The following MGAM2 variants were observed in gnomAD, a reference collection of about 807,000 sequenced individuals.
MGAM2 encodes maltase-glucoamylase 2 (putative).
Under a neutral mutation model 96.1 loss-of-function variants are expected in MGAM2, and 98 were observed. The ratio of observed to expected loss-of-function variants is 1.02; its 90% CI spans 0.87 to 1.21. The LOEUF is 1.21. Among genes scored for constraint, MGAM2 ranks in the 50% most tolerant of loss-of-function variants. MGAM2 has a pLI of 0.00. For synonymous variants in MGAM2, 749 were observed against 414.8 expected (o/e 1.81, Z -9.79); for missense variants, 2,055 against 1,182.4 (o/e 1.74, Z -10.82).
chr7:142,142,964 A>G (rs985045137), intron 12 of MGAM2, among the ~76,000 whole-genome samples: 10 of 152,190 alleles, frequency 6.6e-5, no homozygotes, highest in African/African-American at 2.4e-4. Context: ...CAGAGTTAAC[A>G]TCTAATTGTT....
At chr7:142,203,153 A>C (rs957580333) in intron 45 of MGAM2, among the ~76,000 whole-genome samples, 2 of 151,976 alleles carry the variant, frequency 1.3e-5, no homozygotes, top group African/African-American at 4.8e-5. Context: ...TTCTTGATTT[A>C]AGTTTCTTAT....
intron 15 of MGAM2, among the ~76,000 whole-genome samples, chr7:142,149,261 C>G (rs530062598): frequency 7.9e-5 from 12 of 151,984 alleles, no homozygotes; most frequent in African/African-American, 1.7e-4. Context: ...ACTTCTCTGC[C>G]TGGTGCCTCT....
At chr7:142,146,076 C>A (rs1795372704) in intron 14 of MGAM2, among the ~76,000 whole-genome samples, 1 of 150,622 alleles carries the variant, frequency 6.6e-6, no homozygotes, top group Non-Finnish European at 1.5e-5. Context: ...TTTCGACTTA[C>A]TCTTTGTTCT....
At chr7:142,127,131 C>T (rs533363927) in intron 3 of MGAM2, among the ~76,000 whole-genome samples, 71 of 152,144 alleles carry the variant, frequency 4.7e-4, no homozygotes, top group Non-Finnish European at 9.0e-4. Context: ...TTACTTGCTT[C>T]TTTATAATTA....
At chr7:142,127,090 C>T (rs1473356353) in intron 3 of MGAM2, among the ~76,000 whole-genome samples, 2 of 152,324 alleles carry the variant, frequency 1.3e-5, no homozygotes, top group South Asian at 4.1e-4. Flanking sequence ...AGAGCAGGCA[C>T]TCAATGGATG....
chr7:142,154,927 A>C lies in MGAM2; in HGVS notation c.1923+82A>C, dbSNP rs1354626200. 9 of 682,310 alleles carry C rather than the reference A, an allele frequency of 1.3e-5. No homozygotes were observed. In the East Asian group the frequency reaches 2.2e-4, roughly 16 times the overall value. The allele number at this position is 682,310 out of a possible 1,614,324, so 42.3% of individuals were successfully genotyped here. On this transcript the variant is annotated intron_variant, in intron 17 of 47. Transcript: ENST00000477922. ...TTAAAGGGGATTTGAGGAAAATAGT[A>C]CTACAGGTTGGCACTAACTGCAGCA...
intron 6 of MGAM2, among the ~76,000 whole-genome samples, chr7:142,132,543 ATAATT>A (rs1794922493): frequency 7.4e-6 from 1 of 134,360 alleles, no homozygotes; most frequent in Non-Finnish European, 1.5e-5. Flanking sequence ...TATAAAATAT[ATAATT>A]TAATTATACA....
At chr7:142,146,791 G>C (rs1349441266) in intron 14 of MGAM2, among the ~76,000 whole-genome samples, 1 of 151,254 alleles carries the variant, frequency 6.6e-6, no homozygotes, top group Non-Finnish European at 1.5e-5. Flanking sequence ...GCAGTGGCAC[G>C]ATCTCGGCTC....
Position 142,131,390 on chromosome 7 carries a change from A to G in MGAM2, c.311-128A>G, listed in dbSNP as rs1431740351. 3 of 614,492 alleles carry G rather than the reference A, an allele frequency of 4.9e-6. No homozygotes were observed. In the African/African-American group the frequency reaches 5.5e-5, roughly 11 times the overall value. The allele number at this position is 614,492 out of a possible 1,614,324, so 38.1% of individuals were successfully genotyped here. ...GAGGTGGAGGTTGCAGTGAGCCGAG[A>G]TCACGTCTTGCACTCCAGCCTGGGC... is the stretch of plus-strand genomic sequence containing the variant. On this transcript the variant is annotated intron_variant, in intron 4 of 47. Transcript: ENST00000477922.
chr7:142,209,106 A>G (rs1033297849), intron 46 of MGAM2, among the ~76,000 whole-genome samples: 3 of 152,054 alleles, frequency 2.0e-5, no homozygotes, highest in Non-Finnish European at 4.4e-5. Context: ...TCTTGGGTCT[A>G]TTGGGCTGTT....
intron 17 of MGAM2, among the ~76,000 whole-genome samples, chr7:142,157,403 T>G (rs576431743): frequency 8.2e-4 from 125 of 152,108 alleles, no homozygotes; most frequent in Middle Eastern, 6.8e-3. Context: ...ATTTTTTTTT[T>G]TTTTTTTGAG....
At chr7:142,143,517 C>G (rs1795295890) in intron 12 of MGAM2, among the ~76,000 whole-genome samples, 1 of 152,138 alleles carries the variant, frequency 6.6e-6, no homozygotes, top group African/African-American at 2.4e-5. Context: ...TGCAGTTGTA[C>G]TTTTTAAATT....
chr7:142,221,591 T>A lies in MGAM2; in HGVS notation c.7080T>A (p.Thr2360=), dbSNP rs1294181539. ...TGGTAATAGATGCTACGGTCACTAC[T>A]ACCAGCACCAAAGATAATACCATGA... The part of the protein sequence containing the change: ...STMVIDATVT[T]TSTKDNTMSP... Residue 2360 remains threonine, a synonymous_variant, in exon 48 of 48, where the codon ACT becomes ACA. Transcript: ENST00000477922. 7.9e-6 allele frequency: 4 copies of A among 506,710 alleles called. No individual in the cohort carries two copies. In the East Asian group the frequency reaches 8.9e-5, roughly 11 times the overall value. 31.4% of individuals were successfully genotyped at this position (506,710 alleles called of 1,614,324 possible). A position where few individuals can be genotyped will look rare whatever the true frequency, so the allele number is the denominator to read the frequency against.
intron 33 of MGAM2, among the ~76,000 whole-genome samples, chr7:142,184,431 A>G (rs1339195458): frequency 6.6e-6 from 1 of 152,210 alleles, no homozygotes; most frequent in Non-Finnish European, 1.5e-5. Context: ...CATACAGTGT[A>G]GCATTTATGT....
At chr7:142,218,926 A>G (rs1378037843) in intron 47 of MGAM2, among the ~76,000 whole-genome samples, 1 of 152,224 alleles carries the variant, frequency 6.6e-6, no homozygotes, top group Non-Finnish European at 1.5e-5. Context: ...TGCTTCCTGC[A>G]GTTATTCATG....
chr7:142,148,851 C>A lies in MGAM2; in HGVS notation c.1634+1278C>A, dbSNP rs1004219418. The stretch of plus-strand genomic sequence containing the variant: ...TGGGTTTATGGGGCCTGTCTCAGTC[C>A]TTTTCTTACTTGACTTCTCTTTCTC... On this transcript the variant is annotated intron_variant, in intron 15 of 47. Transcript: ENST00000477922. The surrounding 1 kb of genome is among the most constrained non-coding windows in gnomAD (Gnocchi z 4.2). 1.3e-5 allele frequency among the ~76,000 whole-genome samples: 2 copies of A among 152,082 alleles called. No homozygotes were observed. The highest frequency in any genetic ancestry group is 2.9e-5 in the Non-Finnish European group (2 of 68,018).
rs1266160102 is a variant in MGAM2, at chr7:142,173,214, T to A, written c.3562-15T>A. ...CTAAGAAATCTTTCTGGATGCATTT[T>A]TCTTTTTATTCTAGTTGATTGGTCG... is the stretch of plus-strand genomic sequence containing the variant. On this transcript the variant is annotated splice_polypyrimidine_tract_variant and intron_variant, in intron 30 of 47. Transcript: ENST00000477922. 1.4e-6 allele frequency: 1 copy of A among 702,786 alleles called. No individual in the cohort carries two copies. Among genetic ancestry groups the A allele is most frequent in the Admixed American group, 2.0e-5 (1 of 49,970 alleles). The allele number at this position is 702,786 out of a possible 1,614,324, so 43.5% of individuals were successfully genotyped here.
intron 16 of MGAM2, 62 bp downstream of exon 16, chr7:142,154,251 C>T: frequency 1.9e-6 from 1 of 531,848 alleles, no homozygotes; most frequent in East Asian, 2.8e-5. Context: ...TTTTAATTAG[C>T]AGTCTTAGAG....
rs1042548377 is a variant in MGAM2, at chr7:142,158,314, C to T, written c.2145C>T (p.Ile715=). 4.1e-5 allele frequency: 29 copies of T among 702,846 alleles called. No individual in the cohort carries two copies. The African/African-American group carries it at 4.9e-4, about 12-fold the overall frequency. 43.5% of individuals were successfully genotyped at this position (702,846 alleles called of 1,614,324 possible). The part of the protein sequence containing the change: ...EQFLWGPGLL[I]TPVLYEGVDE... ...TCTTATGGGGACCTGGACTCCTCAT[C>T]ACGCCTGTTTTATATGAAGTATGTT... The change falls in exon 19 of 48, where the codon ATC becomes ATT. Residue 715 remains isoleucine, a synonymous_variant. Transcript: ENST00000477922.
Sources: gnomAD v4.1 joint callset for allele counts (sites outside exome capture counted in the v4.1 genomes callset) on GRCh38, gnomAD v4.1.1 for gene constraint, Gnocchi (gnomAD v3.1) non-coding constraint, MANE v1.5 for transcripts, NCBI Gene and HGNC (gene_info 2026-07-23, HGNC 2026-07-21) for gene names.